The following ROBO1 variants were observed in gnomAD, a reference collection of about 807,000 sequenced individuals.
ROBO1 encodes the protein roundabout homolog 1.
ROBO1 carries 149 observed loss-of-function variants against 195.9 expected under a neutral mutation model. That is an observed-to-expected ratio of 0.76 (90% CI 0.67 to 0.87). ROBO1 has a LOEUF of 0.87. Ranked by LOEUF, ROBO1 falls within the 40% of genes least tolerant of loss-of-function variation. ROBO1 has a pLI of 0.00. For synonymous variants in ROBO1, 816 were observed against 733.2 expected (o/e 1.11, Z -1.82); for missense variants, 1,933 against 2,068.3 (o/e 0.93, Z 1.27).
intron 2 of ROBO1, among the ~76,000 whole-genome samples, chr3:79,556,253 A>C (rs1266514131): frequency 1.3e-5 from 2 of 152,148 alleles, no homozygotes; most frequent in Non-Finnish European, 2.9e-5. Context: ...ATGCCCTTTG[A>C]CAAATAATAA....
At chr3:79,614,326 C>T (rs991287601) in intron 1 of ROBO1, among the ~76,000 whole-genome samples, 3 of 152,004 alleles carry the variant, frequency 2.0e-5, no homozygotes, top group African/African-American at 7.2e-5. Flanking sequence ...ATGGGAAATT[C>T]CCAAATGTTT....
Position 79,763,778 on chromosome 3 carries a change from G to C in ROBO1, c.-51+3974C>G, listed in dbSNP as rs140346913. ...TTATTTACTGTTTATGAGATCCTTG[G>C]AAAGTAACTGTAAAAGTTTGCTCTT... On this transcript the variant is annotated intron_variant, in intron 1 of 30. Transcript: ENST00000464233. Among the ~76,000 whole-genome samples, 14 of 152,288 alleles carry C rather than the reference G, an allele frequency of 9.2e-5. No homozygotes were observed. The East Asian group carries it at 2.7e-3, about 29-fold the overall frequency.
intron 3 of ROBO1, among the ~76,000 whole-genome samples, chr3:79,043,697 C>G (rs962780157): frequency 2.0e-5 from 3 of 152,060 alleles, no homozygotes; most frequent in Non-Finnish European, 4.4e-5. Context: ...TTTAAGCTGT[C>G]AAACTAAGTT....
chr3:79,300,075 C>T (rs35058917), intron 2 of ROBO1, among the ~76,000 whole-genome samples: 33,872 of 152,206 alleles, frequency 0.22, 4,655 homozygotes, highest in Non-Finnish European at 0.31. Context: ...CCTCAGCCCT[C>T]GCTCGCTCTG....
At chr3:78,947,077 G>T (rs1348499503) in intron 3 of ROBO1, among the ~76,000 whole-genome samples, 2 of 151,980 alleles carry the variant, frequency 1.3e-5, no homozygotes, top group African/African-American at 4.8e-5. Flanking sequence ...AATAATGGGA[G>T]ATTTTAACAC....
chr3:78,630,614 C>G (rs2107501834), intron 25 of ROBO1, among the ~76,000 whole-genome samples: 1 of 152,226 alleles, frequency 6.6e-6, no homozygotes, highest in Middle Eastern at 3.4e-3. Context: ...ATGTCCAGTT[C>G]TACAGATTCT....
intron 21 of ROBO1, among the ~76,000 whole-genome samples, chr3:78,641,302 C>A (rs1396997713): frequency 6.6e-6 from 1 of 152,098 alleles, no homozygotes; most frequent in Non-Finnish European, 1.5e-5. Context: ...CCCTAGCAGG[C>A]TGGCCCTAGA....
intron 4 of ROBO1, among the ~76,000 whole-genome samples, chr3:78,930,179 A>T (rs2039433522): frequency 6.6e-6 from 1 of 152,208 alleles, no homozygotes; most frequent in Non-Finnish European, 1.5e-5. Context: ...AGTGAGTGAA[A>T]AAGGTAGATT....
chr3:78,703,891 G>T (rs1307425779), intron 8 of ROBO1, among the ~76,000 whole-genome samples: 2 of 151,916 alleles, frequency 1.3e-5, no homozygotes, highest in African/African-American at 4.8e-5. Flanking sequence ...ACTTTAGTGG[G>T]CATCTGTGGA....
chr3:79,697,291 G>A (rs759142163), intron 1 of ROBO1, among the ~76,000 whole-genome samples: 18 of 151,304 alleles, frequency 1.2e-4, no homozygotes, highest in Non-Finnish European at 2.7e-4. Context: ...CAAGTCAATG[G>A]TTAGATGTAA....
At chr3:78,661,911 A>G (rs932322299) in intron 15 of ROBO1, 82 bp downstream of exon 15, 3 of 1,445,162 alleles carry the variant, frequency 2.1e-6, no homozygotes, top group East Asian at 2.4e-5. Flanking sequence ...ACAAGTAGGC[A>G]ACAGATAGTT....
chr3:78,764,943 T>C (rs2083192560), intron 4 of ROBO1, among the ~76,000 whole-genome samples: 1 of 152,178 alleles, frequency 6.6e-6, no homozygotes, highest in Admixed American at 6.5e-5. Flanking sequence ...GTGATTTTTT[T>C]AAGTAAAAGA....
At chr3:79,169,506 A>C (rs1182554509) in intron 2 of ROBO1, among the ~76,000 whole-genome samples, 1 of 152,154 alleles carries the variant, frequency 6.6e-6, no homozygotes, top group African/African-American at 2.4e-5. Context: ...TTTTCAAATG[A>C]AATCCAGATA....
rs1702533040 is a variant in ROBO1 at position 79,717,384 on chromosome 3, C to T, written c.-51+50368G>A. 5.9e-5 allele frequency among the ~76,000 whole-genome samples: 9 copies of T among 151,740 alleles called. No individual in the cohort carries two copies. In the South Asian group the frequency reaches 1.9e-3, roughly 32 times the overall value. On this transcript the variant is annotated intron_variant, in intron 1 of 30. Transcript: ENST00000464233. ...TTATTTCTGCTAGAATGATAAAATGCCAGACAATTGCATTTTAGGTTGGCT... is the reference window on the plus strand; with the variant it reads ...TTATTTCTGCTAGAATGATAAAATGTCAGACAATTGCATTTTAGGTTGGCT...
chr3:78,849,847 C>A (rs1046070051), intron 4 of ROBO1, among the ~76,000 whole-genome samples: 1 of 151,588 alleles, frequency 6.6e-6, no homozygotes, highest in Non-Finnish European at 1.5e-5. Flanking sequence ...CACACACACA[C>A]ACACACACAC....
chr3:79,192,433 A>G (rs577856511), intron 2 of ROBO1, among the ~76,000 whole-genome samples: 1 of 151,844 alleles, frequency 6.6e-6, no homozygotes, highest in Non-Finnish European at 1.5e-5. Context: ...TAAGTCATAC[A>G]AGGGGAAGAA....
chr3:79,086,470 G>C (rs2079372456), intron 3 of ROBO1, among the ~76,000 whole-genome samples: 1 of 152,102 alleles, frequency 6.6e-6, no homozygotes, highest in Non-Finnish European at 1.5e-5. Flanking sequence ...AGTACAATAA[G>C]TAGATTAAGC....
intron 4 of ROBO1, among the ~76,000 whole-genome samples, chr3:78,809,983 ATAGT>A (rs1431278991): frequency 1.5e-5 from 2 of 131,400 alleles, no homozygotes; most frequent in East Asian, 2.6e-4. Flanking sequence ...AACTTAAAGT[ATAGT>A]AAAAAAAAAA....
At chr3:78,926,740 C>A (rs1008973586) in intron 4 of ROBO1, among the ~76,000 whole-genome samples, 1 of 151,914 alleles carries the variant, frequency 6.6e-6, no homozygotes, top group Non-Finnish European at 1.5e-5. Context: ...CAGGGTAAGT[C>A]ATAAAGCAAA....
Sources: allele counts gnomAD v4.1 joint callset (sites outside exome capture counted in the v4.1 genomes callset), GRCh38; gene constraint gnomAD v4.1.1; transcripts MANE v1.5; gene names NCBI Gene and HGNC (gene_info 2026-07-23, HGNC 2026-07-21).